Variants in UTY observed in about 807,000 individuals in gnomAD.
The protein encoded by UTY is histone demethylase UTY.
UTY carries 12 observed loss-of-function variants against 32.5 expected under a neutral mutation model. The ratio of observed to expected loss-of-function variants is 0.37; its 90% confidence interval spans 0.24 to 0.60. The LOEUF is 0.60. Among genes scored for constraint, UTY ranks in the 20% least tolerant of loss-of-function variants. The pLI, the probability that UTY is intolerant of heterozygous loss-of-function variation, is 0.69. For synonymous variants in UTY, 131 were observed against 103.4 expected (o/e 1.27, Z -1.62); for missense variants, 303 against 299.2 (o/e 1.01, Z -0.09).
At chrY:13,345,356 A>AACCTT (rs2061821634) in intron 17 of UTY, among the ~76,000 whole-genome samples, 1 of 33,884 alleles carries the variant, frequency 3.0e-5, no homozygotes, top group Admixed American at 2.7e-4. Context: ...AGCACAGCTG[A>AACCTT]ACCTTAGGGA....
At chrY:13,331,774 A>G (rs2060713407) in intron 18 of UTY, among the ~76,000 whole-genome samples, 1 of 33,963 alleles carries the variant, frequency 2.9e-5, no homozygotes, top group Non-Finnish European at 7.3e-5. Context: ...AACATACAGA[A>G]GAATCAACAG....
intron 4 of UTY, among the ~76,000 whole-genome samples, chrY:13,447,131 A>G: frequency 3.2e-5 from 1 of 31,683 alleles, no homozygotes; most frequent in East Asian, 8.2e-4. Context: ...ACCCCTGCCA[A>G]TTCCCTGACA....
chrY:13,337,454 G>GA (rs2061159716), intron 17 of UTY, among the ~76,000 whole-genome samples: 25 of 32,515 alleles, frequency 7.7e-4, no homozygotes, highest in African/African-American at 3.0e-3. Context: ...ATATATCACT[G>GA]AAAAAAACAT....
At position 13,355,075 on chromosome Y, in the gene UTY, T is replaced by C; in HGVS notation, c.1989A>G (p.Leu663=). The C allele has an allele frequency of 2.5e-6, 1 of 398,741 alleles. No homozygotes were observed. Among genetic ancestry groups the C allele is most frequent in the Non-Finnish European group, 3.5e-6 (1 of 283,525 alleles). ...TGTTCAGGTCTGTATGATTATGAGG[T>C]AGAGTGTGTGTATTTTGCTGCAGGT... ...VPYLQQNTHT[L]PHNHTDLNSS... is the part of the protein sequence containing the mutation. The change falls in exon 17 of 30, where the codon CTA becomes CTG. Residue 663 remains leucine, a synonymous_variant. Transcript: ENST00000545955.
chrY:13,280,257 C>T (rs2056928829), intron 27 of UTY, among the ~76,000 whole-genome samples: 2 of 32,928 alleles, frequency 6.1e-5, no homozygotes. Flanking sequence ...GGCATGGTGG[C>T]ATGTGCCTGG....
intron 8 of UTY, 67 bp from the exon 9 acceptor site, chrY:13,369,416 T>C: frequency 8.1e-6 from 1 of 123,316 alleles, no homozygotes; most frequent in Non-Finnish European, 1.4e-5. Context: ...CTCTTGATTT[T>C]AACAATATAT....
In UTY at chrY:13,312,928, T is replaced by C. The variant is rs771136788; in HGVS notation, c.3277-6678A>G. Among the ~76,000 whole-genome samples, 64 of 32,379 alleles carry C rather than the reference T, an allele frequency of 2.0e-3. No individual in the cohort carries two copies. The East Asian group carries it at 0.046, about 23-fold the overall frequency. 86.9% of individuals were successfully genotyped at this position (32,379 alleles called of 37,273 possible). ...CATGCTGGCGAGGATGTGAAGAAAATGGAAGGCTTATACGCTGTTCATGGG... is the reference window on the plus strand; with the variant it reads ...CATGCTGGCGAGGATGTGAAGAAAACGGAAGGCTTATACGCTGTTCATGGG... On this transcript the variant is annotated intron_variant, in intron 21 of 29. Transcript: ENST00000545955.
At chrY:13,274,597 T>G (rs898435866) in intron 27 of UTY, among the ~76,000 whole-genome samples, 4 of 31,268 alleles carry the variant, frequency 1.3e-4, no homozygotes, top group Middle Eastern at 0.028. Context: ...CTGACCAACA[T>G]GGAGAAACCC....
At chrY:13,312,126 C>G in intron 21 of UTY, among the ~76,000 whole-genome samples, 1 of 34,526 alleles carries the variant, frequency 2.9e-5, no homozygotes, top group African/African-American at 1.1e-4. Flanking sequence ...GGCGCGGTGG[C>G]TCACGCCTGT....
At chrY:13,354,859 A>G in intron 17 of UTY, 144 bp downstream of exon 17, 1 of 363,829 alleles carries the variant, frequency 2.7e-6, no homozygotes, top group South Asian at 3.5e-5. Context: ...TATCACTTAA[A>G]AGTTTTATAC....
intron 27 of UTY, among the ~76,000 whole-genome samples, chrY:13,269,659 G>C: frequency 2.9e-5 from 1 of 33,947 alleles, no homozygotes; most frequent in African/African-American, 1.1e-4. Flanking sequence ...GCCCAGTTTT[G>C]TGCTTGAAAC....
At chrY:13,299,575 T>C in intron 25 of UTY, among the ~76,000 whole-genome samples, 2 of 32,168 alleles carry the variant, frequency 6.2e-5, no homozygotes, top group South Asian at 7.0e-4. Flanking sequence ...ATTGCACTCC[T>C]GCCTAGGCAA....
downstream of UTY, among the ~76,000 whole-genome samples, chrY:13,248,052 A>C: frequency 3.0e-5 from 1 of 33,866 alleles, no homozygotes; most frequent in Admixed American, 2.6e-4. Flanking sequence ...AGAAGTACTT[A>C]TGATTTTTCT....
chrY:13,397,546 A>T (rs1050784186), intron 6 of UTY, among the ~76,000 whole-genome samples: 4 of 32,763 alleles, frequency 1.2e-4, no homozygotes, highest in African/African-American at 3.5e-4. Flanking sequence ...TTGCTGATAA[A>T]TTTTTTTTTC....
At chrY:13,329,811 T>C in intron 18 of UTY, among the ~76,000 whole-genome samples, 4 of 33,869 alleles carry the variant, frequency 1.2e-4, no homozygotes, top group African/African-American at 4.6e-4. Context: ...TAAACAAACA[T>C]GTGAACCCCC....
intron 6 of UTY, 91 bp from the exon 7 acceptor site, chrY:13,397,063 A>G: frequency 7.0e-6 from 1 of 143,044 alleles, no homozygotes; most frequent in African/African-American, 9.1e-5. Context: ...CTATCATAAA[A>G]TAACAAAGCT....
intron 11 of UTY, 69 bp downstream of exon 11, chrY:13,360,361 G>A: frequency 7.2e-6 from 2 of 277,377 alleles, no homozygotes; most frequent in Non-Finnish European, 1.1e-5. Context: ...TTACTATACA[G>A]TATATTAGAT....
chrY:13,313,421 G>A, intron 21 of UTY, among the ~76,000 whole-genome samples: 1 of 33,033 alleles, frequency 3.0e-5, no homozygotes, highest in Non-Finnish European at 7.5e-5. Context: ...TTTTATTGGT[G>A]GTCTAAAGAA....
chrY:13,287,233 T>C, intron 27 of UTY: 2 of 393,851 alleles, frequency 5.1e-6, no homozygotes, highest in Non-Finnish European at 7.2e-6. Context: ...GAAACTGCAA[T>C]TACATGCCTG....
Sources: allele counts gnomAD v4.1 joint callset (sites outside exome capture counted in the v4.1 genomes callset), GRCh38; gene constraint gnomAD v4.1.1; transcripts MANE v1.5; gene names NCBI Gene and HGNC (gene_info 2026-07-23, HGNC 2026-07-21).